The following RAB38 variants were observed in gnomAD, a reference collection of about 807,000 sequenced individuals.
RAB38 encodes RAB38, member RAS oncogene family, also known as ras-related protein Rab-38.
In RAB38, 15 loss-of-function variants were observed where a neutral mutation model predicts 18.4. The ratio of observed to expected loss-of-function variants is 0.82; its 90% confidence interval spans 0.55 to 1.26. RAB38 has a LOEUF of 1.26. Ranked by LOEUF, RAB38 falls within the 50% of genes most tolerant of loss-of-function variation. The probability of loss-of-function intolerance (pLI) is 0.00; values close to 1 mark genes in which losing one functional copy is unlikely to be tolerated. For synonymous variants in RAB38, 101 were observed against 104.4 expected, an observed-to-expected ratio of 0.97 and a Z score of 0.20; for missense variants, 294 against 267.4, an observed-to-expected ratio of 1.10 and a Z score of -0.69.
the RAB38 span, among the ~76,000 whole-genome samples, chr11:87,820,368 T>A: frequency 6.6e-6 from 1 of 152,312 alleles, no homozygotes; most frequent in East Asian, 1.9e-4. Flanking sequence ...TTTCTTAGTG[T>A]CCTGAAGAAA....
intron 1 of RAB38, among the ~76,000 whole-genome samples, chr11:88,164,428 CTG>C (rs1227454452): frequency 6.6e-6 from 1 of 151,942 alleles, no homozygotes; most frequent in Non-Finnish European, 1.5e-5. Context: ...CTGTTTGAAA[CTG>C]GGGTTTGGAA....
the RAB38 span, among the ~76,000 whole-genome samples, chr11:87,857,930 T>A: frequency 5.3e-5 from 8 of 152,318 alleles, no homozygotes; most frequent in South Asian, 6.2e-4. Flanking sequence ...AGACATGAAG[T>A]CCTTGTCCAT....
the RAB38 span, among the ~76,000 whole-genome samples, chr11:87,915,638 T>C: frequency 6.6e-6 from 1 of 152,152 alleles, no homozygotes; most frequent in Non-Finnish European, 1.5e-5. Context: ...TTGTTTAGTA[T>C]GTAATCAAGA....
At chr11:88,149,583 A>T (rs1943036044) in intron 2 of RAB38, 92 bp downstream of exon 2, 3 of 1,426,588 alleles carry the variant, frequency 2.1e-6, no homozygotes, top group Non-Finnish European at 2.9e-6. Context: ...CTAAACAAAC[A>T]TATTATTATC....
At chr11:87,935,977 C>T in the RAB38 span, among the ~76,000 whole-genome samples, 1 of 151,826 alleles carries the variant, frequency 6.6e-6, no homozygotes, top group Non-Finnish European at 1.5e-5. Flanking sequence ...TGTCTTGTGC[C>T]CATGTTCTAA....
chr11:87,858,923 G>A, the RAB38 span, among the ~76,000 whole-genome samples: 1 of 147,186 alleles, frequency 6.8e-6, no homozygotes, highest in Non-Finnish European at 1.5e-5. Context: ...GTCCACCTGA[G>A]TCCAAAAAAC....
chr11:88,111,116 C>T (rs1411174365), downstream of RAB38, among the ~76,000 whole-genome samples: 1 of 152,192 alleles, frequency 6.6e-6, no homozygotes, highest in Non-Finnish European at 1.5e-5. Flanking sequence ...ATTTCCCTTC[C>T]CTTGACCAAA....
the RAB38 span, among the ~76,000 whole-genome samples, chr11:87,949,806 C>A: frequency 6.6e-6 from 1 of 152,134 alleles, no homozygotes; most frequent in Non-Finnish European, 1.5e-5. Context: ...TGCTTTACTT[C>A]CAACTATGTG....
At chr11:87,870,782 A>G in the RAB38 span, among the ~76,000 whole-genome samples, 1 of 151,604 alleles carries the variant, frequency 6.6e-6, no homozygotes, top group African/African-American at 2.4e-5. Flanking sequence ...GGGGGTTGAA[A>G]GTGACAACCT....
chr11:88,153,374 T>A (rs1184691523), intron 1 of RAB38, among the ~76,000 whole-genome samples: 1 of 152,194 alleles, frequency 6.6e-6, no homozygotes, highest in Non-Finnish European at 1.5e-5. Context: ...TCTAGCAGTA[T>A]TTTTACTTCC....
the RAB38 span, among the ~76,000 whole-genome samples, chr11:88,079,904 G>A: frequency 6.6e-6 from 1 of 151,446 alleles, no homozygotes; most frequent in Non-Finnish European, 1.5e-5. Flanking sequence ...AAATCTGATG[G>A]CAGGCATCTA....
chr11:87,893,390 A>ATGTATATATATATATATATATATTTTT, the RAB38 span, among the ~76,000 whole-genome samples: 43 of 93,886 alleles, frequency 4.6e-4, no homozygotes, highest in Non-Finnish European at 6.6e-4. Flanking sequence ...ATATATATAT[A>ATGTATATATATATATATATATATTTTT]TTTTTTTTTT....
the RAB38 span, among the ~76,000 whole-genome samples, chr11:87,865,755 G>A: frequency 1.3e-5 from 2 of 151,682 alleles, no homozygotes; most frequent in African/African-American, 2.4e-5. Flanking sequence ...GAAATTGTGA[G>A]AGTCCGCAGA....
chr11:88,155,315 C>G (rs1943111799), intron 1 of RAB38, among the ~76,000 whole-genome samples: 1 of 152,196 alleles, frequency 6.6e-6, no homozygotes, highest in Non-Finnish European at 1.5e-5. Context: ...AAACAAGGAT[C>G]AAGTATACAC....
chr11:87,885,710 C>G, the RAB38 span, among the ~76,000 whole-genome samples: 1 of 151,924 alleles, frequency 6.6e-6, no homozygotes, highest in African/African-American at 2.4e-5. Flanking sequence ...GGGTAATGAA[C>G]CTCATTTTTG....
At chr11:87,970,664 T>C in the RAB38 span, among the ~76,000 whole-genome samples, 12 of 152,076 alleles carry the variant, frequency 7.9e-5, no homozygotes, top group Admixed American at 2.0e-4. Context: ...TCCATTTCAC[T>C]TCTGACATTC....
At chr11:87,910,808 T>C in the RAB38 span, among the ~76,000 whole-genome samples, 3 of 151,742 alleles carry the variant, frequency 2.0e-5, no homozygotes, top group Non-Finnish European at 2.9e-5. Context: ...ACCCAGCTAA[T>C]GTATTTTTAG....
the RAB38 span, among the ~76,000 whole-genome samples, chr11:87,896,904 T>C: frequency 6.6e-6 from 1 of 151,624 alleles, no homozygotes; most frequent in African/African-American, 2.4e-5. Flanking sequence ...TTCAGATTAG[T>C]TTTATCCTAT....
the RAB38 span, among the ~76,000 whole-genome samples, chr11:88,017,427 G>A: frequency 1.1e-4 from 17 of 151,614 alleles, no homozygotes; most frequent in East Asian, 1.5e-3. Context: ...TTCTAAGGTC[G>A]TATAATCCAC....
Sources: gnomAD v4.1 joint callset for allele counts (sites outside exome capture counted in the v4.1 genomes callset) on GRCh38, gnomAD v4.1.1 for gene constraint, MANE v1.5 for transcripts, NCBI Gene and HGNC (gene_info 2026-07-23, HGNC 2026-07-21) for gene names.